The following CEP15 variants were observed in gnomAD, a reference collection of about 807,000 sequenced individuals.
The protein encoded by CEP15 is centrosomal protein 15, also known as centrosomal protein 15 kDa.
the CEP15 span, among the ~76,000 whole-genome samples, chr3:62,326,040 A>T: frequency 2.1e-5 from 3 of 142,880 alleles, no homozygotes; most frequent in African/African-American, 7.9e-5. Context: ...AAAAAAAAAA[A>T]GGCAATTCTG....
At chr3:62,326,294 G>A in the CEP15 span, among the ~76,000 whole-genome samples, 1 of 152,122 alleles carries the variant, frequency 6.6e-6, no homozygotes, top group Non-Finnish European at 1.5e-5. Context: ...CCGGTTCCTT[G>A]AAGAATATGT....
chr3:62,332,005 A>G, the CEP15 span, among the ~76,000 whole-genome samples: 1 of 152,114 alleles, frequency 6.6e-6, no homozygotes, highest in Non-Finnish European at 1.5e-5. Flanking sequence ...TTTCTCCCCA[A>G]CTGGGGATAA....
chr3:62,333,875 G>A, the CEP15 span: 1 of 151,728 alleles, frequency 6.6e-6, no homozygotes, highest in East Asian at 1.9e-4. This position sits in a 1 kb window ranked among gnomAD's most constrained non-coding sequence, Gnocchi z 4.0. Flanking sequence ...AATAACTTAT[G>A]AGAAAATAAA....
At chr3:62,325,245 T>A in the CEP15 span, among the ~76,000 whole-genome samples, 1 of 152,184 alleles carries the variant, frequency 6.6e-6, no homozygotes, top group Non-Finnish European at 1.5e-5. Flanking sequence ...CTGTTACACA[T>A]ACCCTCTGAA....
the CEP15 span, among the ~76,000 whole-genome samples, chr3:62,325,762 G>A: frequency 3.3e-5 from 5 of 152,102 alleles, no homozygotes; most frequent in Non-Finnish European, 7.4e-5. Flanking sequence ...GGCCAGGTGC[G>A]GTGGCTCACG....
chr3:62,322,228 AT>A, the CEP15 span: 2 of 566,166 alleles, frequency 3.5e-6, no homozygotes, highest in Non-Finnish European at 5.9e-6. This position sits in a 1 kb window ranked among gnomAD's most constrained non-coding sequence, Gnocchi z 5.5. Flanking sequence ...ATGTATCCTC[AT>A]TTTTTTAAAT....
chr3:62,328,485 TAG>T, the CEP15 span, among the ~76,000 whole-genome samples: 1 of 152,244 alleles, frequency 6.6e-6, no homozygotes, highest in Non-Finnish European at 1.5e-5. Flanking sequence ...ACATAATAGT[TAG>T]ATTTGTCACA....
the CEP15 span, chr3:62,335,565 C>T: frequency 6.6e-6 from 1 of 151,552 alleles, no homozygotes; most frequent in Non-Finnish European, 1.5e-5. Context: ...ACATTGTTTT[C>T]TGTTAAGAAG....
the CEP15 span, among the ~76,000 whole-genome samples, chr3:62,329,451 T>C: frequency 2.6e-5 from 4 of 152,108 alleles, no homozygotes; most frequent in African/African-American, 7.2e-5. Flanking sequence ...CCACAGATCT[T>C]AAGAAAGCTC....
the CEP15 span, among the ~76,000 whole-genome samples, chr3:62,325,532 A>G: frequency 6.6e-6 from 1 of 152,232 alleles, no homozygotes; most frequent in African/African-American, 2.4e-5. Context: ...ATCATAAAAG[A>G]TAGTGAACTT....
chr3:62,322,020 G>C, the CEP15 span: 1 of 1,609,530 alleles, frequency 6.2e-7, no homozygotes, highest in Non-Finnish European at 8.5e-7. This position sits in a 1 kb window ranked among gnomAD's most constrained non-coding sequence, Gnocchi z 5.5. Flanking sequence ...AAACTGTTGA[G>C]ACTGCTTTTA....
the CEP15 span, chr3:62,334,852 G>T: frequency 6.6e-6 from 1 of 152,034 alleles, no homozygotes; most frequent in African/African-American, 2.4e-5. This position sits in a 1 kb window ranked among gnomAD's most constrained non-coding sequence, Gnocchi z 4.9. Flanking sequence ...TTTAGCAGGA[G>T]AATGCAGGTT....
chr3:62,333,232 T>G, the CEP15 span: 1 of 1,604,668 alleles, frequency 6.2e-7, no homozygotes, highest in Non-Finnish European at 8.5e-7. The surrounding 1 kb of genome is among the most constrained non-coding windows in gnomAD (Gnocchi z 4.0). Flanking sequence ...TATGCTTTTT[T>G]ACTTTTGGAT....
chr3:62,333,216 G>C, the CEP15 span: 1 of 1,598,858 alleles, frequency 6.3e-7, no homozygotes, highest in Non-Finnish European at 8.5e-7. This position sits in a 1 kb window ranked among gnomAD's most constrained non-coding sequence, Gnocchi z 4.0. Flanking sequence ...AAGTTCAATT[G>C]CTTGATATGC....
At chr3:62,328,318 A>G in the CEP15 span, among the ~76,000 whole-genome samples, 48 of 152,360 alleles carry the variant, frequency 3.2e-4, 1 homozygote, top group South Asian at 9.1e-3. Flanking sequence ...AGGCATAGCT[A>G]TCACCAATAA....
the CEP15 span, chr3:62,333,481 G>A: frequency 7.2e-7 from 1 of 1,386,942 alleles, no homozygotes; most frequent in Non-Finnish European, 9.7e-7. The surrounding 1 kb of genome is among the most constrained non-coding windows in gnomAD (Gnocchi z 4.0). Flanking sequence ...AATTAAATAT[G>A]TTCATATTCT....
the CEP15 span, among the ~76,000 whole-genome samples, chr3:62,329,634 C>T: frequency 6.6e-6 from 1 of 152,174 alleles, no homozygotes; most frequent in African/African-American, 2.4e-5. Context: ...AAGTGTCTAA[C>T]CATAGGCCTG....
the CEP15 span, among the ~76,000 whole-genome samples, chr3:62,320,129 C>A: frequency 3.8e-4 from 58 of 152,260 alleles, 1 homozygote; most frequent in East Asian, 5.2e-3. Context: ...TTTTACAGAG[C>A]AGATTTTTTT....
the CEP15 span, chr3:62,320,364 G>A: frequency 1.3e-6 from 1 of 792,178 alleles, no homozygotes; most frequent in Non-Finnish European, 2.0e-6. Flanking sequence ...TCTCTTCTGA[G>A]AGAACCAATG....
Sources: gnomAD v4.1 joint callset for allele counts (sites outside exome capture counted in the v4.1 genomes callset) on GRCh38, gnomAD v4.1.1 for gene constraint, Gnocchi (gnomAD v3.1) non-coding constraint, MANE v1.5 for transcripts, NCBI Gene and HGNC (gene_info 2026-07-23, HGNC 2026-07-21) for gene names.